Variants in KHDRBS3 observed in about 807,000 individuals in gnomAD.
KHDRBS3 encodes KH RNA binding domain containing, signal transduction associated 3, also known as KH domain-containing, RNA-binding, signal transduction-associated protein 3.
Under a neutral mutation model 45.6 loss-of-function variants are expected in KHDRBS3, and 23 were observed. The ratio of observed to expected loss-of-function variants is 0.50; its 90% CI spans 0.36 to 0.72. The LOEUF (loss-of-function observed/expected upper bound fraction) is 0.72, where lower values mean the gene tolerates loss of function less well. KHDRBS3 is among the 30% of genes least tolerant of loss of function. KHDRBS3 has a pLI of 0.00. For synonymous variants in KHDRBS3, 162 were observed against 156.5 expected (o/e 1.04, Z -0.26); for missense variants, 352 against 424.8 (o/e 0.83, Z 1.51).
intron 1 of KHDRBS3, among the ~76,000 whole-genome samples, chr8:135,463,285 A>G (rs941615898): frequency 6.6e-6 from 1 of 152,162 alleles, no homozygotes; most frequent in Admixed American, 6.5e-5. Context: ...GGGTAGCAGA[A>G]TCAGAAAGTA....
At chr8:135,590,462 A>G (rs768339303) in intron 6 of KHDRBS3, among the ~76,000 whole-genome samples, 13 of 152,320 alleles carry the variant, frequency 8.5e-5, no homozygotes, top group Middle Eastern at 3.4e-3. Context: ...CATAGGTAGC[A>G]GGTTAGTCTA....
chr8:135,510,457 C>A (rs561603617), intron 1 of KHDRBS3, among the ~76,000 whole-genome samples: 1 of 152,124 alleles, frequency 6.6e-6, no homozygotes, highest in African/African-American at 2.4e-5. Context: ...TTTTCTGAGA[C>A]GGAGTCTCAC....
intron 1 of KHDRBS3, among the ~76,000 whole-genome samples, chr8:135,493,720 TTA>T (rs1272458153): frequency 6.6e-6 from 1 of 152,136 alleles, no homozygotes; most frequent in African/African-American, 2.4e-5. Flanking sequence ...TCATCTTTCT[TTA>T]TGAGGAATGT....
chr8:135,579,543 G>A (rs1828105681), intron 5 of KHDRBS3, among the ~76,000 whole-genome samples: 1 of 152,062 alleles, frequency 6.6e-6, no homozygotes, highest in Non-Finnish European at 1.5e-5. Context: ...CACCATGTTG[G>A]CCATGCTGGT....
intron 7 of KHDRBS3, among the ~76,000 whole-genome samples, chr8:135,621,103 G>A (rs189246527): frequency 6.9e-5 from 10 of 145,288 alleles, no homozygotes; most frequent in South Asian, 2.3e-4. Flanking sequence ...CTCTGGCTAC[G>A]TGGAAGAATC....
chr8:135,591,007 T>C (rs888026480), intron 6 of KHDRBS3, among the ~76,000 whole-genome samples: 3 of 152,230 alleles, frequency 2.0e-5, no homozygotes, highest in Non-Finnish European at 4.4e-5. Context: ...CAAAAACTCC[T>C]TTCTTCAGCA....
intron 6 of KHDRBS3, among the ~76,000 whole-genome samples, chr8:135,585,289 G>A (rs1828418567): frequency 6.6e-6 from 1 of 151,910 alleles, no homozygotes; most frequent in Admixed American, 6.6e-5. Context: ...GATAGGGTGG[G>A]TGTATTATAA....
chr8:135,640,680 G>A (rs1831022818), intron 7 of KHDRBS3, among the ~76,000 whole-genome samples: 1 of 152,308 alleles, frequency 6.6e-6, no homozygotes, highest in Admixed American at 6.5e-5. Flanking sequence ...AGAGAGGGTA[G>A]AGACATGGTC....
intron 1 of KHDRBS3, among the ~76,000 whole-genome samples, chr8:135,509,972 C>T (rs1056453015): frequency 6.8e-6 from 1 of 146,890 alleles, no homozygotes; most frequent in African/African-American, 2.6e-5. Flanking sequence ...CTTTCCCCCC[C>T]CCTTTTTTTT....
chr8:135,553,067 T>G (rs776284116), intron 4 of KHDRBS3, among the ~76,000 whole-genome samples: 4 of 152,194 alleles, frequency 2.6e-5, no homozygotes, highest in Non-Finnish European at 4.4e-5. Context: ...TAGCCTTCCA[T>G]CCAGCCAGAG....
At chr8:135,480,933 T>C (rs1029280908) in intron 1 of KHDRBS3, among the ~76,000 whole-genome samples, 1 of 152,132 alleles carries the variant, frequency 6.6e-6, no homozygotes, top group African/African-American at 2.4e-5. Flanking sequence ...CTGTCCTGTC[T>C]TTACACTCTG....
chr8:135,586,355 C>A (rs535039979), intron 6 of KHDRBS3, among the ~76,000 whole-genome samples: 1 of 151,982 alleles, frequency 6.6e-6, no homozygotes, highest in East Asian at 1.9e-4. Context: ...TTCCACTAGC[C>A]GAGGTTATAA....
At chr8:135,509,851 AT>A (rs1483444329) in intron 1 of KHDRBS3, among the ~76,000 whole-genome samples, 3 of 152,128 alleles carry the variant, frequency 2.0e-5, no homozygotes, top group Non-Finnish European at 4.4e-5. Context: ...GAATTTTTAA[AT>A]GTATCTGGAT....
In KHDRBS3 at chr8:135,622,458, C is replaced by A. The variant is rs1830186058; in HGVS notation, c.890+15421C>A. 1.3e-5 allele frequency among the ~76,000 whole-genome samples: 2 copies of A among 152,182 alleles called. 1 individual carries two copies. Among genetic ancestry groups the A allele is most frequent in the South Asian group, 4.1e-4 (2 of 4,826 alleles). On this transcript the variant is annotated intron_variant, in intron 7 of 8. Transcript: ENST00000355849. Reference sequence around the variant, plus strand: ...CCAGATTCCCCAGAAACACTAAAAACCATTTGCTGCCCTAACATTGTGTCA... The same window carrying A: ...CCAGATTCCCCAGAAACACTAAAAAACATTTGCTGCCCTAACATTGTGTCA...
chr8:135,516,751 T>G (rs190287553), intron 1 of KHDRBS3, among the ~76,000 whole-genome samples: 1 of 152,300 alleles, frequency 6.6e-6, no homozygotes, highest in African/African-American at 2.4e-5. Context: ...CCCAGTGTTT[T>G]GCTATTAAAG....
At chr8:135,566,815 G>A (rs1178772932) in intron 5 of KHDRBS3, among the ~76,000 whole-genome samples, 1 of 152,164 alleles carries the variant, frequency 6.6e-6, no homozygotes, top group Non-Finnish European at 1.5e-5. Flanking sequence ...GCAGTGAGCC[G>A]AGATGGTTAT....
downstream of KHDRBS3, among the ~76,000 whole-genome samples, chr8:135,651,665 A>G (rs2131219783): frequency 6.6e-6 from 1 of 152,302 alleles, no homozygotes; most frequent in East Asian, 1.9e-4. Context: ...TTCCAAAAAG[A>G]ACTCTACAAG....
At chr8:135,509,374 A>G (rs943612293) in intron 1 of KHDRBS3, among the ~76,000 whole-genome samples, 1 of 152,198 alleles carries the variant, frequency 6.6e-6, no homozygotes, top group Non-Finnish European at 1.5e-5. Flanking sequence ...AGGGAGTGGT[A>G]ATTTCTGTCC....
chr8:135,525,045 T>G (rs888562089), intron 2 of KHDRBS3, among the ~76,000 whole-genome samples: 2 of 152,212 alleles, frequency 1.3e-5, no homozygotes, highest in Admixed American at 1.3e-4. Flanking sequence ...GTCTTTTATC[T>G]TGATGAAGAG....
Sources: allele counts gnomAD v4.1 joint callset (sites outside exome capture counted in the v4.1 genomes callset), GRCh38; gene constraint gnomAD v4.1.1; transcripts MANE v1.5; gene names NCBI Gene and HGNC (gene_info 2026-07-23, HGNC 2026-07-21).